The following ABCA9 variants were observed in gnomAD, a reference collection of about 807,000 sequenced individuals.
ABCA9 encodes ATP-binding cassette sub-family A member 9.
ABCA9 carries 183 observed loss-of-function variants against 205.3 expected under a neutral mutation model. That is an observed-to-expected ratio of 0.89 (90% CI 0.79 to 1.01). The LOEUF is 1.01. ABCA9 is among the 50% of genes least tolerant of loss of function. The probability of loss-of-function intolerance (pLI) is 0.00; values close to 1 mark genes in which losing one functional copy is unlikely to be tolerated. For missense variants in ABCA9, 1,805 were observed against 1,912.4 expected (o/e 0.94, Z 1.05); for synonymous variants, 651 against 683.3 (o/e 0.95, Z 0.74).
intron 1 of ABCA9, among the ~76,000 whole-genome samples, chr17:69,054,627 A>T (rs960372833): frequency 6.6e-6 from 1 of 151,954 alleles, no homozygotes; most frequent in African/African-American, 2.4e-5. Context: ...ACTTTTTCTT[A>T]TTTTTAACTG....
At chr17:69,010,223 A>G (rs1315849666) in intron 23 of ABCA9, among the ~76,000 whole-genome samples, 1 of 152,058 alleles carries the variant, frequency 6.6e-6, no homozygotes, top group African/African-American at 2.4e-5. Context: ...TACCATGCAT[A>G]GATTTTTAAG....
chr17:69,055,505 AAC>A lies in ABCA9; in HGVS notation c.-13-4368_-13-4367del, dbSNP rs371634206. On this transcript the variant is annotated intron_variant, in intron 1 of 38. Transcript: ENST00000340001. The stretch of plus-strand genomic sequence containing the variant: ...CAATCTTTAACATGTGTGTGCTAAC[AAC>A]AGTGTCAAAATACTGAGAGAACTGC... Among the ~76,000 whole-genome samples the A allele has an allele frequency of 4.2e-3, 634 of 152,332 alleles. 8 individuals are homozygous for A. Among genetic ancestry groups the A allele is most frequent in the African/African-American group, 0.015 (609 of 41,578 alleles).
rs554340238 is a variant in ABCA9 at position 69,040,181 on chromosome 17, TTTGAC to T, written c.800+3303_800+3307del. 2.2e-3 allele frequency among the ~76,000 whole-genome samples: 339 copies of T among 152,326 alleles called. 2 individuals carry two copies. The highest frequency in any genetic ancestry group is 7.5e-3 in the African/African-American group (313 of 41,568). Reference sequence around the variant, plus strand: ...CAAGGATCTAGAACTAGAAATACCATTTGACCCAGCAATCCCATTACTGGGTATAT... The same window carrying T: ...CAAGGATCTAGAACTAGAAATACCATCCAGCAATCCCATTACTGGGTATAT... On this transcript the variant is annotated intron_variant, in intron 6 of 38. Coordinates refer to ENST00000340001, the MANE Select transcript of ABCA9 (RefSeq NM_080283.4).
At chr17:69,009,694 C>T (rs563438583) in intron 23 of ABCA9, among the ~76,000 whole-genome samples, 21 of 152,204 alleles carry the variant, frequency 1.4e-4, no homozygotes, top group African/African-American at 4.8e-4. Context: ...TATAGGGTGG[C>T]TGTTGTGCTC....
intron 1 of ABCA9, among the ~76,000 whole-genome samples, chr17:69,055,818 C>T (rs1375543232): frequency 1.3e-5 from 2 of 152,006 alleles, no homozygotes; most frequent in East Asian, 1.9e-4. Context: ...AATGCATGCT[C>T]TTGGGCAATG....
intron 25 of ABCA9, among the ~76,000 whole-genome samples, chr17:68,996,240 T>C (rs2069620522): frequency 6.6e-6 from 1 of 152,234 alleles, no homozygotes; most frequent in African/African-American, 2.4e-5. Flanking sequence ...TCAATCTCAA[T>C]GGCATACAAA....
intron 34 of ABCA9, 56 bp from the exon 35 acceptor site, chr17:68,984,231 A>T: frequency 6.3e-7 from 1 of 1,584,184 alleles, no homozygotes; most frequent in Non-Finnish European, 8.6e-7. Flanking sequence ...GGTATTTGGA[A>T]TTTTAAAAAG....
intron 19 of ABCA9, among the ~76,000 whole-genome samples, chr17:69,019,562 T>A (rs2070746149): frequency 6.6e-6 from 1 of 152,118 alleles, no homozygotes; most frequent in Admixed American, 6.6e-5. Flanking sequence ...TTCACAGGAT[T>A]GTCTGTTATT....
rs2069139299 is a variant in ABCA9 at position 68,983,781 on chromosome 17, T to A, written c.4568A>T (p.Lys1523Met). 6.2e-7 allele frequency: 1 copy of A among 1,614,096 alleles called. No homozygotes were observed. Among genetic ancestry groups the A allele is most frequent in the African/African-American group, 1.3e-5 (1 of 74,936 alleles). ...GKDYLLEMKLKNLAQMEPLHA... is the reference protein window; with the variant it reads ...GKDYLLEMKLMNLAQMEPLHA... The stretch of plus-strand genomic sequence containing the variant: ...GAGGGGCTCCATTTGTGCCAGGTTC[T>A]TCAGCTTCATCTCCAGCAGGTAGTC... The change falls in exon 36 of 39, where the codon AAG becomes ATG. Residue 1523 changes from lysine to methionine, a missense_variant. Physicochemically the swap from Lys to Met is moderately conservative, Grantham distance 95 (BLOSUM62 -1). Transcript: ENST00000340001.
intron 25 of ABCA9, among the ~76,000 whole-genome samples, chr17:68,999,747 T>A (rs1007789171): frequency 3.7e-4 from 57 of 152,182 alleles, no homozygotes; most frequent in African/African-American, 1.2e-3. Context: ...CCACCAACAG[T>A]GTAAAAGTGT....
At chr17:68,976,217 A>G in intron 37 of ABCA9, 27 bp from the exon 38 acceptor site, 2 of 1,601,358 alleles carry the variant, frequency 1.2e-6, no homozygotes, top group South Asian at 1.1e-5. Context: ...ATACATTAGG[A>G]ATTCTATTTT....
At chr17:69,065,229 T>G (rs1277446844), upstream of ABCA9, among the ~76,000 whole-genome samples, 3 of 152,194 alleles carry the variant, frequency 2.0e-5, no homozygotes, top group African/African-American at 7.2e-5. Flanking sequence ...GGGAAAATTT[T>G]AACTAATACC....
At chr17:69,061,278 G>A, upstream of ABCA9, 1 of 418,636 alleles carries the variant, frequency 2.4e-6, no homozygotes, top group Non-Finnish European at 3.2e-6. Flanking sequence ...AGATAAGTAA[G>A]AAGCCAATCC....
In ABCA9 at chr17:69,044,203, C is replaced by T. The variant is rs188906641; in HGVS notation, c.573+294G>A. Among the ~76,000 whole-genome samples, 66 of 152,130 alleles carry T rather than the reference C, an allele frequency of 4.3e-4. 1 individual carries two copies. In the East Asian group the frequency reaches 9.7e-3, roughly 22 times the overall value. ...TGGGCAACAGAGTAAAACTTTGTCT[C>T]TAAGAAAAACAAAGTTAAAAATAAA... is the stretch of plus-strand genomic sequence containing the variant. On this transcript the variant is annotated intron_variant, in intron 5 of 38. Coordinates refer to ENST00000340001, the MANE Select transcript of ABCA9 (RefSeq NM_080283.4).
the ABCA9 span, among the ~76,000 whole-genome samples, chr17:69,068,318 A>G: frequency 2.6e-5 from 4 of 152,186 alleles, no homozygotes; most frequent in African/African-American, 9.6e-5. Flanking sequence ...CAAGCCAGTT[A>G]CTTTTCAATT....
Position 68,993,056 on chromosome 17 carries a change from C to G in ABCA9, c.3584G>C (p.Gly1195Ala). The G allele has an allele frequency of 6.2e-7, 1 of 1,613,610 alleles. No individual in the cohort carries two copies. Among genetic ancestry groups the G allele is most frequent in the East Asian group, 2.2e-5 (1 of 44,858 alleles). Residue 1195 changes from glycine (G) to alanine (A), a missense_variant, in exon 27 of 39, where the codon GGA (glycine) becomes GCA (alanine). Physicochemically the swap from Gly to Ala is moderately conservative, Grantham distance 60. Transcript: ENST00000340001. ...EISPDSMDYL[G>A]ASESEIVYLA... ...GTATACAATTTCAGATTCTGAAGCT[C>G]CTAAGTAATCCATGGAATCAGGAGA...
intron 31 of ABCA9, 100 bp from the exon 32 acceptor site, chr17:68,986,424 C>T (rs2069242327): frequency 1.6e-6 from 2 of 1,222,014 alleles, no homozygotes; most frequent in Admixed American, 5.5e-5. Flanking sequence ...TTCACACACA[C>T]AGGTGCTAAG....
chr17:69,048,497 G>C (rs1333774736), intron 3 of ABCA9, among the ~76,000 whole-genome samples: 1 of 152,120 alleles, frequency 6.6e-6, no homozygotes, highest in Non-Finnish European at 1.5e-5. Context: ...TAAGCTATCT[G>C]GAATGACAAG....
At chr17:68,994,392 G>A (rs989623675) in intron 26 of ABCA9, among the ~76,000 whole-genome samples, 1 of 152,024 alleles carries the variant, frequency 6.6e-6, no homozygotes, top group Non-Finnish European at 1.5e-5. Context: ...AAATTTGCCT[G>A]CCAAGTGTCC....
Sources: gnomAD v4.1 joint callset for allele counts (sites outside exome capture counted in the v4.1 genomes callset) on GRCh38, gnomAD v4.1.1 for gene constraint, MANE v1.5 for transcripts, NCBI Gene and HGNC (gene_info 2026-07-23, HGNC 2026-07-21) for gene names.